Variants in PUDP observed in about 807,000 individuals in gnomAD.
PUDP encodes pseudouridine-5'-phosphatase.
Under a neutral mutation model 9.4 loss-of-function variants are expected in PUDP, and 8 were observed. The ratio of observed to expected loss-of-function variants is 0.85; its 90% CI spans 0.50 to 1.53. The LOEUF is 1.53. PUDP is among the 40% of genes most tolerant of loss of function. PUDP has a pLI of 0.00. For synonymous variants in PUDP, 99 were observed against 80.7 expected, an observed-to-expected ratio of 1.23 and a Z score of -1.22; for missense variants, 188 against 189.7, an observed-to-expected ratio of 0.99 and a Z score of 0.05.
chrX:6,937,462 A>G (rs1459635805), intron 3 of PUDP, among the ~76,000 whole-genome samples: 1 of 104,882 alleles, frequency 9.5e-6, no homozygotes, highest in Non-Finnish European at 2.0e-5. Flanking sequence ...CCTTCCTTAC[A>G]CCTTATACAA....
chrX:6,973,182 AAG>A (rs2146794939), intron 3 of PUDP, among the ~76,000 whole-genome samples: 1 of 111,423 alleles, frequency 9.0e-6, no homozygotes, highest in South Asian at 3.7e-4. Flanking sequence ...TGATTTTTTG[AAG>A]AGTTTTTCAT....
At chrX:6,711,081 CT>C (rs1924527161) in intron 1 of PUDP, among the ~76,000 whole-genome samples, 1 of 111,895 alleles carries the variant, frequency 8.9e-6, no homozygotes, top group African/African-American at 3.3e-5. Flanking sequence ...CCCCTTCCCC[CT>C]CTGAAGTTTC....
At chrX:6,849,460 T>A (rs1394816624) in intron 3 of PUDP, among the ~76,000 whole-genome samples, 1 of 111,668 alleles carries the variant, frequency 9.0e-6, no homozygotes, top group Non-Finnish European at 1.9e-5. Context: ...TATGCTTGAG[T>A]GGTAGGACCT....
At chrX:7,092,995 TA>T (rs776302728) in intron 2 of PUDP, among the ~76,000 whole-genome samples, 36 of 112,763 alleles carry the variant, frequency 3.2e-4, no homozygotes, top group African/African-American at 1.1e-3. Flanking sequence ...TTGTATGTGG[TA>T]AAACACCTAC....
chrX:6,987,465 G>A (rs1929118496), intron 1 of PUDP, among the ~76,000 whole-genome samples: 1 of 112,019 alleles, frequency 8.9e-6, no homozygotes, highest in African/African-American at 3.2e-5. Flanking sequence ...CTGAGCTTTC[G>A]TTGTAAAGGA....
chrX:7,077,397 C>T lies in PUDP; in HGVS notation c.333G>A (p.Leu111=), dbSNP rs1803675. 0.28 allele frequency: 341,467 copies of T among 1,207,085 alleles called. 33,988 individuals are homozygous for T. Among genetic ancestry groups the T allele is most frequent in the Admixed American group, 0.47 (21,371 of 45,294 alleles). The change falls in exon 3 of 4, where the codon CTG becomes CTA. Residue 111 remains leucine, a synonymous_variant. Transcript: ENST00000381077. Reference sequence around the variant, plus strand: ...ACGACGCGGACCCCGAGCTGGTGGCCAGTGCAAAGGGGATGCCATGTTTCC... The same window carrying T: ...ACGACGCGGACCCCGAGCTGGTGGCTAGTGCAAAGGGGATGCCATGTTTCC... ...HLRKHGIPFA[L]ATSSGSASFD...
intron 3 of PUDP, among the ~76,000 whole-genome samples, chrX:6,816,335 C>T (rs1031242734): frequency 1.6e-4 from 16 of 103,000 alleles, no homozygotes; most frequent in Non-Finnish European, 2.5e-4. Context: ...CTATGTGACA[C>T]GTATGTATTT....
chrX:7,068,211 A>AT (rs1930625133), intron 3 of PUDP, among the ~76,000 whole-genome samples: 1 of 112,493 alleles, frequency 8.9e-6, no homozygotes, highest in Admixed American at 9.4e-5. Context: ...TCTAATAAGA[A>AT]ATGACATTGG....
At chrX:6,825,464 G>A (rs373108439) in intron 3 of PUDP, among the ~76,000 whole-genome samples, 7 of 111,476 alleles carry the variant, frequency 6.3e-5, no homozygotes, top group East Asian at 5.7e-4. Context: ...AAAAGGAAAG[G>A]AGGTCCCCTG....
intron 3 of PUDP, among the ~76,000 whole-genome samples, chrX:6,934,125 C>T (rs1391464753): frequency 9.6e-6 from 1 of 104,510 alleles, no homozygotes; most frequent in Non-Finnish European, 2.0e-5. Flanking sequence ...TCAGGAAATA[C>T]AGAGAACGCC....
chrX:6,860,015 G>A (rs1470404668), intron 3 of PUDP, among the ~76,000 whole-genome samples: 1 of 112,284 alleles, frequency 8.9e-6, no homozygotes, highest in African/African-American at 3.2e-5. Context: ...CAATTATAGA[G>A]GTAGATATTG....
At chrX:6,845,299 G>A in intron 3 of PUDP, among the ~76,000 whole-genome samples, 1 of 111,981 alleles carries the variant, frequency 8.9e-6, no homozygotes, top group Admixed American at 9.5e-5. Flanking sequence ...GAAGCGTGAA[G>A]CTGGGGCAGG....
At chrX:6,729,862 G>T (rs1253894188) in intron 3 of PUDP, among the ~76,000 whole-genome samples, 2 of 110,753 alleles carry the variant, frequency 1.8e-5, no homozygotes, top group African/African-American at 6.6e-5. Context: ...TCTAAAGAAA[G>T]TTCAAATGTT....
chrX:7,143,754 C>G (rs1278525432), intron 1 of PUDP, among the ~76,000 whole-genome samples: 1 of 112,123 alleles, frequency 8.9e-6, no homozygotes, highest in Non-Finnish European at 1.9e-5. Context: ...ATTCCAGAAG[C>G]CTTTTCAGTT....
intron 1 of PUDP, among the ~76,000 whole-genome samples, chrX:7,026,753 C>A (rs1199282650): frequency 2.7e-5 from 3 of 111,747 alleles, no homozygotes; most frequent in African/African-American, 9.8e-5. Flanking sequence ...TTGCATAGAC[C>A]CCCCTCCCAC....
Position 7,032,485 on chromosome X carries a change from T to C in PUDP, c.204+44735A>G, listed in dbSNP as rs1929804459. On this transcript the variant is annotated intron_variant and NMD_transcript_variant, in intron 1 of 3. Transcript: ENST00000655425. ...ACCCAAATGCTTATCAAAGGATGAA[T>C]GGATAAACATACTGTTACATATTCA... 1.8e-5 allele frequency among the ~76,000 whole-genome samples: 2 copies of C among 112,338 alleles called. 1 individual carries two copies. The highest frequency in any genetic ancestry group is 6.5e-5 in the African/African-American group (2 of 30,931).
chrX:7,098,202 A>G (rs989868528), intron 2 of PUDP, among the ~76,000 whole-genome samples: 26 of 112,540 alleles, frequency 2.3e-4, no homozygotes, highest in Admixed American at 2.0e-3. Context: ...CTATAACAAA[A>G]TATCTGGGAC....
At chrX:6,989,509 G>T in intron 1 of PUDP, 1 of 159,847 alleles carries the variant, frequency 6.3e-6, no homozygotes, top group South Asian at 1.4e-4. Flanking sequence ...CAACATTCAA[G>T]AGGAGTCCAC....
rs188568013 is a variant in PUDP, at chrX:6,809,650, T to A, written c.*248-103184A>T. ...GTAATGCCTTCTTTATATCTTGAAATAAAATTAATGTATCATAGAACCTAC... is the reference window on the plus strand; with the variant it reads ...GTAATGCCTTCTTTATATCTTGAAAAAAAATTAATGTATCATAGAACCTAC... On this transcript the variant is annotated intron_variant and NMD_transcript_variant, in intron 3 of 3. Transcript: ENST00000655425. Among the ~76,000 whole-genome samples the A allele has an allele frequency of 2.3e-4, 25 of 111,080 alleles. No homozygotes were observed. In the East Asian group the frequency reaches 7.1e-3, roughly 32 times the overall value.
Sources: gnomAD v4.1 joint callset for allele counts (sites outside exome capture counted in the v4.1 genomes callset) on GRCh38, gnomAD v4.1.1 for gene constraint, MANE v1.5 for transcripts, NCBI Gene and HGNC (gene_info 2026-07-23, HGNC 2026-07-21) for gene names.